Variants in FHIT observed in about 807,000 individuals in gnomAD.
FHIT encodes fragile histidine triad diadenosine triphosphatase.
In FHIT, 19 loss-of-function variants were observed where a neutral mutation model predicts 17.9. The observed-to-expected ratio is 1.06, with a 90% CI of 0.74 to 1.56. The LOEUF is 1.56. Ranked by LOEUF, FHIT falls within the 40% of genes most tolerant of loss-of-function variation. The pLI, the probability that FHIT is intolerant of heterozygous loss-of-function variation, is 0.00. For missense variants in FHIT, 248 were observed against 189.2 expected (o/e 1.31, Z -1.82); for synonymous variants, 81 against 69.7 (o/e 1.16, Z -0.81).
chr3:60,849,158 G>T (rs1553747506), intron 3 of FHIT, among the ~76,000 whole-genome samples: 1 of 151,912 alleles, frequency 6.6e-6, no homozygotes, highest in African/African-American at 2.4e-5. Flanking sequence ...TTTATATAAG[G>T]GAAGAACAAG....
chr3:61,039,475 T>A (rs192388915), intron 3 of FHIT, among the ~76,000 whole-genome samples: 263 of 152,242 alleles, frequency 1.7e-3, no homozygotes, highest in African/African-American at 6.0e-3. Flanking sequence ...AATGACAGAC[T>A]GGATAAAGAA....
Position 60,213,942 on chromosome 3 carries a change from T to A in FHIT, c.104-199790A>T, listed in dbSNP as rs9843458. On this transcript the variant is annotated intron_variant, in intron 5 of 9. Coordinates refer to ENST00000492590, the MANE Select transcript of FHIT (RefSeq NM_002012.4). Reference sequence around the variant, plus strand: ...AAGCATTTAACATACTTACTGAAGATTTTTATATGTGAAAAATGGGATGGT... The same window carrying A: ...AAGCATTTAACATACTTACTGAAGAATTTTATATGTGAAAAATGGGATGGT... Among the ~76,000 whole-genome samples the A allele has an allele frequency of 3.8e-3, 576 of 152,290 alleles. 3 individuals are homozygous for A. Among genetic ancestry groups the A allele is most frequent in the Middle Eastern group, 0.01 (3 of 294 alleles).
intron 4 of FHIT, among the ~76,000 whole-genome samples, chr3:60,639,776 T>A (rs1343394387): frequency 6.6e-6 from 1 of 152,154 alleles, no homozygotes; most frequent in East Asian, 1.9e-4. Flanking sequence ...GAGTACTAGG[T>A]AAATTGGGGT....
rs1348179123 is a variant in FHIT at position 59,853,752 on chromosome 3, C to T, written c.348+68594G>A. On this transcript the variant is annotated intron_variant, in intron 8 of 9. Coordinates refer to ENST00000492590, the MANE Select transcript of FHIT (RefSeq NM_002012.4). ...AGATATGGGGACACACACATAGACA[C>T]TTTCCATCTCATGCCATGTTGGAAC... Among the ~76,000 whole-genome samples, 6 of 152,270 alleles carry T rather than the reference C, an allele frequency of 3.9e-5. No individual in the cohort carries two copies. The East Asian group carries it at 1.2e-3, about 29-fold the overall frequency.
intron 7 of FHIT, among the ~76,000 whole-genome samples, chr3:59,946,277 T>C (rs572137813): frequency 6.6e-6 from 1 of 152,294 alleles, no homozygotes; most frequent in East Asian, 1.9e-4. Flanking sequence ...TTGTGTGTGT[T>C]TGACTATTGT....
chr3:60,752,528 AC>A (rs782230908), intron 4 of FHIT, among the ~76,000 whole-genome samples: 2 of 151,724 alleles, frequency 1.3e-5, no homozygotes, highest in African/African-American at 2.4e-5. Context: ...GCCAAGTGAG[AC>A]CTCCTCTCCA....
At chr3:60,380,108 C>T (rs1030499569) in intron 5 of FHIT, among the ~76,000 whole-genome samples, 5 of 152,130 alleles carry the variant, frequency 3.3e-5, no homozygotes, top group Admixed American at 1.3e-4. Context: ...GATGTTTGTC[C>T]CTTTCAAATT....
chr3:59,879,012 G>GAA (rs142759260), intron 8 of FHIT, among the ~76,000 whole-genome samples: 7 of 144,754 alleles, frequency 4.8e-5, no homozygotes, highest in African/African-American at 1.2e-4. Flanking sequence ...GTCAGCAAAG[G>GAA]AAAAAAAAAA....
At chr3:59,781,620 G>A (rs536460351) in intron 8 of FHIT, among the ~76,000 whole-genome samples, 2 of 152,190 alleles carry the variant, frequency 1.3e-5, no homozygotes, top group Non-Finnish European at 2.9e-5. Context: ...GATTCCCAGT[G>A]GTCCCAGAGA....
intron 3 of FHIT, among the ~76,000 whole-genome samples, chr3:61,023,462 T>A (rs1460344930): frequency 6.6e-6 from 1 of 152,108 alleles, no homozygotes; most frequent in Non-Finnish European, 1.5e-5. Flanking sequence ...CAAGCTACCA[T>A]TGACTTTATT....
intron 4 of FHIT, among the ~76,000 whole-genome samples, chr3:60,590,872 C>T (rs1234357935): frequency 2.0e-5 from 3 of 152,088 alleles, no homozygotes; most frequent in East Asian, 1.9e-4. Flanking sequence ...AAAAAGGGCT[C>T]CTCATCAAGC....
intron 5 of FHIT, among the ~76,000 whole-genome samples, chr3:60,120,088 A>C (rs9819455): frequency 0.49 from 73,844 of 152,042 alleles, 18,511 homozygotes; most frequent in African/African-American, 0.57. Flanking sequence ...GCCCAGCTTG[A>C]ACATCACACC....
chr3:60,890,247 A>G (rs888721662), intron 3 of FHIT, among the ~76,000 whole-genome samples: 2 of 127,102 alleles, frequency 1.6e-5, no homozygotes, highest in East Asian at 2.4e-4. Flanking sequence ...AAAAAAAAAA[A>G]AGGCCAATCC....
intron 5 of FHIT, among the ~76,000 whole-genome samples, chr3:60,315,336 G>C (rs1709117599): frequency 6.6e-6 from 1 of 152,136 alleles, no homozygotes; most frequent in Non-Finnish European, 1.5e-5. Context: ...TAAGTGTATA[G>C]CTCTGCTCTT....
intron 2 of FHIT, among the ~76,000 whole-genome samples, chr3:61,063,643 G>A (rs9311792): frequency 0.55 from 83,198 of 151,570 alleles, 23,937 homozygotes; most frequent in Non-Finnish European, 0.65. Context: ...AAATGAATAT[G>A]GGGGCCAGGA....
At chr3:60,173,915 A>ATATATATATATATATATATATATTTTTTT in intron 5 of FHIT, among the ~76,000 whole-genome samples, 3 of 66,444 alleles carry the variant, frequency 4.5e-5, no homozygotes, top group Non-Finnish European at 2.8e-5. Context: ...ATATATATAT[A>ATATATATATATATATATATATATTTTTTT]TGTTTTTTTT....
At chr3:60,380,924 T>G (rs1039310902) in intron 5 of FHIT, among the ~76,000 whole-genome samples, 3 of 152,024 alleles carry the variant, frequency 2.0e-5, no homozygotes, top group Non-Finnish European at 4.4e-5. Context: ...AGTGGCTGCC[T>G]GGTTCCACTA....
intron 5 of FHIT, among the ~76,000 whole-genome samples, chr3:60,178,371 C>T (rs1173446268): frequency 1.3e-5 from 2 of 152,056 alleles, no homozygotes; most frequent in South Asian, 4.2e-4. Context: ...CGGATCACCT[C>T]AGGTCGGGAG....
At chr3:59,767,095 T>C (rs1248111767) in intron 8 of FHIT, among the ~76,000 whole-genome samples, 2 of 152,126 alleles carry the variant, frequency 1.3e-5, no homozygotes. Flanking sequence ...ATTTGGGCCT[T>C]GGGTGGAGAG....
Sources: gnomAD v4.1 joint callset for allele counts (sites outside exome capture counted in the v4.1 genomes callset) on GRCh38, gnomAD v4.1.1 for gene constraint, MANE v1.5 for transcripts, NCBI Gene and HGNC (gene_info 2026-07-23, HGNC 2026-07-21) for gene names.